The following MAP4K3 variants were observed in gnomAD, a reference collection of about 807,000 sequenced individuals.
MAP4K3 encodes mitogen-activated protein kinase kinase kinase kinase 3.
Under a neutral mutation model 143.5 loss-of-function variants are expected in MAP4K3, and 94 were observed. The observed-to-expected ratio is 0.65, with a 90% CI of 0.55 to 0.78. MAP4K3 has a LOEUF of 0.78. Among genes scored for constraint, MAP4K3 ranks in the 30% least tolerant of loss-of-function variants. The pLI is 0.00. For synonymous variants in MAP4K3, 416 were observed against 347.2 expected (o/e 1.20, Z -2.20); for missense variants, 1,077 against 1,068.1 (o/e 1.01, Z -0.12).
At chr2:39,303,233 G>C (rs1279258163) in intron 15 of MAP4K3, 1 of 166,542 alleles carries the variant, frequency 6.0e-6, no homozygotes, top group Non-Finnish European at 1.5e-5. Flanking sequence ...AAGGTTGTTA[G>C]TGAGACACTT....
At chr2:39,273,279 G>A (rs1681107016) in intron 24 of MAP4K3, among the ~76,000 whole-genome samples, 1 of 152,104 alleles carries the variant, frequency 6.6e-6, no homozygotes, top group South Asian at 2.1e-4. Flanking sequence ...AACAACACCT[G>A]GGCACATGGT....
chr2:39,343,535 C>A (rs772049289), intron 3 of MAP4K3, 83 bp from the exon 4 acceptor site: 28 of 1,058,682 alleles, frequency 2.6e-5, no homozygotes, highest in Non-Finnish European at 4.0e-5. Flanking sequence ...AGGTTGTAAG[C>A]TGTAACACTG....
chr2:39,254,987 G>C lies in MAP4K3; in HGVS notation c.2471-467C>G, dbSNP rs112284835. 3.8e-3 allele frequency among the ~76,000 whole-genome samples: 581 copies of C among 152,188 alleles called. 6 individuals carry two copies. Among genetic ancestry groups the C allele is most frequent in the African/African-American group, 0.013 (554 of 41,532 alleles). On this transcript the variant is annotated intron_variant, in intron 31 of 33. Transcript: ENST00000263881. ...CAGATCCTAACATTCTGCCATTTTT[G>C]CTTTAAATAAAAACAAATACAGCTG...
chr2:39,297,834 T>A (rs997295223), intron 16 of MAP4K3, among the ~76,000 whole-genome samples: 1 of 152,182 alleles, frequency 6.6e-6, no homozygotes, highest in Non-Finnish European at 1.5e-5. Context: ...GTTCGTTACA[T>A]AGAATACAGT....
In MAP4K3 at chr2:39,288,105, C is replaced by T. The variant is rs1195393699; in HGVS notation, c.1474+16G>A. The T allele has an allele frequency of 6.2e-7, 1 of 1,612,944 alleles. No individual in the cohort carries two copies. Among genetic ancestry groups the T allele is most frequent in the East Asian group, 2.2e-5 (1 of 44,862 alleles). ...GAAAACCTGGTAACATATTTGCTGT[C>T]ACCCTCCACCATTACCTAAGGCAAC... On this transcript the variant is annotated intron_variant, in intron 20 of 33. Coordinates refer to ENST00000263881, the MANE Select transcript of MAP4K3 (RefSeq NM_003618.4).
intron 28 of MAP4K3, among the ~76,000 whole-genome samples, chr2:39,262,499 C>A (rs1558606463): frequency 6.6e-6 from 1 of 151,930 alleles, no homozygotes; most frequent in Non-Finnish European, 1.5e-5. Flanking sequence ...AGAAAAAAAA[C>A]CAATGCTTCT....
intron 2 of MAP4K3, among the ~76,000 whole-genome samples, chr2:39,362,147 T>C (rs12162306): frequency 0.69 from 105,362 of 152,058 alleles, 40,507 homozygotes; most frequent in Non-Finnish European, 0.85. Flanking sequence ...CTAGATATTA[T>C]TTTGAAATAA....
intron 2 of MAP4K3, among the ~76,000 whole-genome samples, chr2:39,362,713 G>C (rs563858530): frequency 5.3e-4 from 81 of 152,164 alleles, no homozygotes; most frequent in African/African-American, 1.9e-3. Flanking sequence ...AATTTAGATA[G>C]AACCACAAAG....
chr2:39,393,054 C>G (rs1666711391), intron 1 of MAP4K3, among the ~76,000 whole-genome samples: 1 of 152,180 alleles, frequency 6.6e-6, no homozygotes, highest in Non-Finnish European at 1.5e-5. Flanking sequence ...TAATTTGAGG[C>G]ATTTTGGTTT....
chr2:39,298,042 T>A (rs1333555559), intron 16 of MAP4K3, among the ~76,000 whole-genome samples: 1 of 152,166 alleles, frequency 6.6e-6, no homozygotes, highest in Admixed American at 6.5e-5. Flanking sequence ...TTTTAAAATG[T>A]ATTTTAAATG....
intron 1 of MAP4K3, among the ~76,000 whole-genome samples, chr2:39,395,248 G>T (rs1666773158): frequency 2.6e-5 from 4 of 152,004 alleles, no homozygotes; most frequent in Non-Finnish European, 4.4e-5. Context: ...AAGAAATTTA[G>T]CAACATAGCT....
At position 39,272,535 on chromosome 2, in the gene MAP4K3, G is replaced by A. The variant is rs756014502; in HGVS notation, c.1802C>T (p.Pro601Leu). The A allele has an allele frequency of 6.2e-7, 1 of 1,612,768 alleles. No homozygotes were observed. Among genetic ancestry groups the A allele is most frequent in the South Asian group, 1.1e-5 (1 of 90,918 alleles). ...TACATACAACCATGTACACCTTCGA[G>A]GGAATAGCTGATTAAAAAAAGGCAC... ...LHETSMEQLF[P>L]RRCTWLYVMN... is the part of the protein sequence containing the mutation. Residue 601 changes from proline to leucine, a missense_variant, in exon 25 of 34, where the codon CCT (proline) becomes CTT (leucine). Pro to Leu is a moderately conservative substitution (Grantham distance 98, BLOSUM62 -3). Around this residue, in one of 2 missense-constraint regions of MAP4K3, gnomAD observed 864 missense variants for 801.2 expected, o/e 1.08. Coordinates refer to ENST00000263881, the MANE Select transcript of MAP4K3 (RefSeq NM_003618.4).
At chr2:39,409,636 C>T (rs967001556) in intron 1 of MAP4K3, among the ~76,000 whole-genome samples, 1 of 152,022 alleles carries the variant, frequency 6.6e-6, no homozygotes, top group African/African-American at 2.4e-5. Context: ...ATTGAGTATG[C>T]AGAGAACAGA....
chr2:39,343,340 T>A (rs1447946067), intron 4 of MAP4K3, 48 bp downstream of exon 4: 5 of 1,280,516 alleles, frequency 3.9e-6, no homozygotes, highest in Non-Finnish European at 5.6e-6. Flanking sequence ...ATAGCTGTAT[T>A]TTAAGAAATT....
intron 1 of MAP4K3, among the ~76,000 whole-genome samples, chr2:39,381,700 T>C (rs544771001): frequency 7.9e-5 from 12 of 152,340 alleles, no homozygotes; most frequent in African/African-American, 2.9e-4. Flanking sequence ...CCTATGGATA[T>C]GAAATTGTGA....
intron 8 of MAP4K3, among the ~76,000 whole-genome samples, chr2:39,330,536 G>A (rs990800009): frequency 5.3e-5 from 8 of 152,072 alleles, no homozygotes; most frequent in African/African-American, 1.9e-4. Flanking sequence ...AGCTGAAGAT[G>A]AAAGACTGCC....
At chr2:39,402,742 C>G (rs1190796701) in intron 1 of MAP4K3, among the ~76,000 whole-genome samples, 1 of 151,420 alleles carries the variant, frequency 6.6e-6, no homozygotes, top group African/African-American at 2.4e-5. Flanking sequence ...AATTAAGGCT[C>G]TGTTACCTCT....
chr2:39,275,523 G>C (rs1050596969), intron 24 of MAP4K3, among the ~76,000 whole-genome samples: 7 of 152,092 alleles, frequency 4.6e-5, no homozygotes, highest in African/African-American at 1.7e-4. Flanking sequence ...AAATTAGGTT[G>C]ATAAATGCTT....
intron 12 of MAP4K3, among the ~76,000 whole-genome samples, chr2:39,322,230 G>A (rs1683332253): frequency 6.6e-6 from 1 of 152,094 alleles, no homozygotes; most frequent in East Asian, 1.9e-4. Context: ...CTAATATACA[G>A]TAGCAAAACC....
Sources: allele counts gnomAD v4.1 joint callset (sites outside exome capture counted in the v4.1 genomes callset), GRCh38; gene constraint gnomAD v4.1.1; regional missense constraint gnomAD v4.1.1; transcripts MANE v1.5; gene names NCBI Gene and HGNC (gene_info 2026-07-23, HGNC 2026-07-21).